Variants in CCDC15 observed in about 807,000 individuals in gnomAD.
CCDC15 encodes coiled-coil domain-containing protein 15.
Under a neutral mutation model 114.5 loss-of-function variants are expected in CCDC15, and 105 were observed. That is an observed-to-expected ratio of 0.92 (90% CI 0.78 to 1.08). CCDC15 has a LOEUF of 1.08. CCDC15 is among the 50% of genes least tolerant of loss of function. The pLI, the probability that CCDC15 is intolerant of heterozygous loss-of-function variation, is 0.00. For missense variants in CCDC15, 1,105 were observed against 1,093.6 expected, an observed-to-expected ratio of 1.01 and a Z score of -0.15; for synonymous variants, 334 against 377.8, an observed-to-expected ratio of 0.88 and a Z score of 1.34.
chr11:124,955,530 G>A (rs1396777351), intron 2 of CCDC15, among the ~76,000 whole-genome samples: 3 of 152,210 alleles, frequency 2.0e-5, no homozygotes, highest in African/African-American at 7.2e-5. Context: ...TCCTGATGCA[G>A]TGTGAGCTCC....
chr11:124,986,466 T>G (rs1427488846), intron 6 of CCDC15, among the ~76,000 whole-genome samples: 4 of 152,248 alleles, frequency 2.6e-5, no homozygotes, highest in Non-Finnish European at 5.9e-5. Context: ...TCTTGATCCA[T>G]GAACATGTTA....
At chr11:124,972,115 G>A (rs1035787028) in intron 4 of CCDC15, among the ~76,000 whole-genome samples, 2 of 151,970 alleles carry the variant, frequency 1.3e-5, no homozygotes, top group Non-Finnish European at 2.9e-5. Flanking sequence ...GAGTTATATT[G>A]ATTTTTCATT....
chr11:124,997,085 C>G (rs1948385451), intron 11 of CCDC15, among the ~76,000 whole-genome samples: 1 of 152,154 alleles, frequency 6.6e-6, no homozygotes, highest in African/African-American at 2.4e-5. Flanking sequence ...GTATAGCATT[C>G]CGTTATTTGA....
intron 13 of CCDC15, among the ~76,000 whole-genome samples, chr11:125,024,591 A>G (rs1039472708): frequency 1.3e-5 from 2 of 152,006 alleles, no homozygotes; most frequent in Non-Finnish European, 2.9e-5. Context: ...TGTTTTTTAA[A>G]TTCCTGTTTC....
In CCDC15 at chr11:124,987,850, A is replaced by G. The variant is rs1948200213; in HGVS notation, c.1624A>G (p.Arg542Gly). Reference sequence around the variant, plus strand: ...ACCTAAAGACCAGGACTTTTTATCTAGAGACCAGCATGTTCTCCCCAAAGA... The same window carrying G: ...ACCTAAAGACCAGGACTTTTTATCTGGAGACCAGCATGTTCTCCCCAAAGA... ...FLPKDQDFLS[R>G]DQHVLPKDWN... Residue 542 changes from arginine (R) to glycine (G), a missense_variant, in exon 8 of 16, where the codon AGA (arginine) becomes GGA (glycine). By Grantham distance (125) the Arg-to-Gly change is moderately radical. Transcript: ENST00000344762. 8.1e-6 allele frequency: 13 copies of G among 1,614,042 alleles called. No individual in the cohort carries two copies. Among genetic ancestry groups the G allele is most frequent in the Non-Finnish European group, 1.0e-5 (12 of 1,179,894 alleles).
Position 125,024,641 on chromosome 11 carries a change from G to A in CCDC15, c.2412-13790G>A, listed in dbSNP as rs139373566. Reference sequence around the variant, plus strand: ...GTATGGAAATGCACAGTTGATTTTTGGATATGGATCCTGTTCCCTGCAACC... The same window carrying A: ...GTATGGAAATGCACAGTTGATTTTTAGATATGGATCCTGTTCCCTGCAACC... On this transcript the variant is annotated intron_variant, in intron 13 of 15. Coordinates refer to ENST00000344762, the MANE Select transcript of CCDC15 (RefSeq NM_025004.3). Among the ~76,000 whole-genome samples, 77 of 152,026 alleles carry A rather than the reference G, an allele frequency of 5.1e-4. 1 individual carries two copies. The highest frequency in any genetic ancestry group is 8.5e-4 in the Non-Finnish European group (58 of 67,920).
chr11:125,032,945 G>T (rs567644926), intron 13 of CCDC15, among the ~76,000 whole-genome samples: 1 of 152,192 alleles, frequency 6.6e-6, no homozygotes, highest in African/African-American at 2.4e-5. Flanking sequence ...TCCCCGAAAC[G>T]TCTGATTGTT....
chr11:125,031,082 A>G (rs1465604679), intron 13 of CCDC15, among the ~76,000 whole-genome samples: 2 of 152,198 alleles, frequency 1.3e-5, no homozygotes, highest in African/African-American at 2.4e-5. Flanking sequence ...TCAGTATATA[A>G]TCGCTCATCT....
chr11:124,969,507 AC>A (rs1337618341), intron 4 of CCDC15, among the ~76,000 whole-genome samples: 1 of 152,118 alleles, frequency 6.6e-6, no homozygotes, highest in Non-Finnish European at 1.5e-5. Context: ...TCAGTTTGCT[AC>A]TGTTTTCTAG....
chr11:125,007,552 T>C (rs932131609), intron 13 of CCDC15, among the ~76,000 whole-genome samples: 29 of 152,214 alleles, frequency 1.9e-4, no homozygotes, highest in Admixed American at 1.9e-3. Context: ...GATACAGGTA[T>C]ACCTTTGATA....
intron 13 of CCDC15, among the ~76,000 whole-genome samples, chr11:125,037,812 G>T (rs1261196697): frequency 6.6e-6 from 1 of 152,150 alleles, no homozygotes; most frequent in Non-Finnish European, 1.5e-5. Context: ...TTTAAGGTTG[G>T]AGGGCAAATG....
chr11:124,982,667 G>A (rs1948090509), intron 6 of CCDC15, among the ~76,000 whole-genome samples: 1 of 152,158 alleles, frequency 6.6e-6, no homozygotes, highest in Non-Finnish European at 1.5e-5. Flanking sequence ...CTGTTAACCT[G>A]ATGGGATTCC....
chr11:125,002,764 A>G (rs1290860844), intron 11 of CCDC15, among the ~76,000 whole-genome samples: 2 of 152,102 alleles, frequency 1.3e-5, no homozygotes, highest in South Asian at 2.1e-4. Flanking sequence ...TAGCATATCT[A>G]TCCTTGTATT....
intron 11 of CCDC15, among the ~76,000 whole-genome samples, chr11:124,993,951 ATGAAAT>A (rs1389869858): frequency 1.3e-5 from 2 of 152,206 alleles, no homozygotes; most frequent in African/African-American, 4.8e-5. Flanking sequence ...TGGATTATAG[ATGAAAT>A]TGAAGATTGC....
chr11:124,982,880 T>C (rs1216041440), intron 6 of CCDC15, among the ~76,000 whole-genome samples: 1 of 152,252 alleles, frequency 6.6e-6, no homozygotes, highest in Admixed American at 6.5e-5. Context: ...TATGAAAATA[T>C]GAAATACATT....
At chr11:124,975,773 T>C (rs1947962823) in intron 5 of CCDC15, among the ~76,000 whole-genome samples, 1 of 152,146 alleles carries the variant, frequency 6.6e-6, no homozygotes, top group Admixed American at 6.5e-5. Context: ...TATTTCTGGG[T>C]AGTAGTATTA....
chr11:124,995,042 A>G (rs944775347), intron 11 of CCDC15, among the ~76,000 whole-genome samples: 13 of 151,980 alleles, frequency 8.6e-5, no homozygotes, highest in African/African-American at 3.1e-4. Flanking sequence ...GGTGATTTTT[A>G]GTTTGGGTCT....
chr11:125,005,103 C>T lies in CCDC15; in HGVS notation c.2308-6C>T, dbSNP rs777977084. 4.4e-6 allele frequency: 6 copies of T among 1,358,046 alleles called. No individual in the cohort carries two copies. Among genetic ancestry groups the T allele is most frequent in the African/African-American group, 1.5e-5 (1 of 67,508 alleles). The allele number at this position is 1,358,046 out of a possible 1,614,324, so 84.1% of individuals were successfully genotyped here. ...AATCTTAGTAATTTTAACTTCTTAC[C>T]TTTAGCGTCAAAAGCAGTACCTGAG... On this transcript the variant is annotated splice_polypyrimidine_tract_variant and splice_region_variant and intron_variant, in intron 12 of 15. Coordinates refer to ENST00000344762, the MANE Select transcript of CCDC15 (RefSeq NM_025004.3).
chr11:124,975,901 TTAAG>T (rs1305875787), intron 5 of CCDC15, among the ~76,000 whole-genome samples: 1 of 137,478 alleles, frequency 7.3e-6, no homozygotes, highest in African/African-American at 3.1e-5. Flanking sequence ...GATTCAAAAC[TTAAG>T]TGAGTGTGGA....
Sources: gnomAD v4.1 joint callset for allele counts (sites outside exome capture counted in the v4.1 genomes callset) on GRCh38, gnomAD v4.1.1 for gene constraint, MANE v1.5 for transcripts, NCBI Gene and HGNC (gene_info 2026-07-23, HGNC 2026-07-21) for gene names.